The following CDKAL1 variants were observed in gnomAD, a reference collection of about 807,000 sequenced individuals.
CDKAL1 encodes CDKAL1 threonylcarbamoyladenosine tRNA methylthiotransferase, also known as threonylcarbamoyladenosine tRNA methylthiotransferase.
A neutral mutation model predicts 68.2 loss-of-function variants in CDKAL1; 32 were observed. The ratio of observed to expected loss-of-function variants is 0.47; its 90% CI spans 0.35 to 0.63. The LOEUF (loss-of-function observed/expected upper bound fraction) is 0.63, where lower values mean the gene tolerates loss of function less well. Among genes scored for constraint, CDKAL1 ranks in the 30% least tolerant of loss-of-function variants. The pLI, the probability that CDKAL1 is intolerant of heterozygous loss-of-function variation, is 0.00. For missense variants in CDKAL1, 606 were observed against 696.7 expected (o/e 0.87, Z 1.47); for synonymous variants, 234 against 244.3 (o/e 0.96, Z 0.39).
At chr6:20,658,963 C>T (rs1290546248) in intron 5 of CDKAL1, among the ~76,000 whole-genome samples, 1 of 152,024 alleles carries the variant, frequency 6.6e-6, no homozygotes, top group Non-Finnish European at 1.5e-5. Flanking sequence ...TACAGGCATA[C>T]ACCACCACAC....
intron 13 of CDKAL1, among the ~76,000 whole-genome samples, chr6:21,142,505 A>G (rs1775969206): frequency 6.6e-6 from 1 of 152,150 alleles, no homozygotes; most frequent in South Asian, 2.1e-4. Context: ...GATGAGCTCA[A>G]GAACTAAATG....
chr6:20,984,141 G>A (rs1259083730), intron 10 of CDKAL1, among the ~76,000 whole-genome samples: 1 of 152,196 alleles, frequency 6.6e-6, no homozygotes. Context: ...ACATACAGAT[G>A]CAAACTGCTA....
intron 8 of CDKAL1, among the ~76,000 whole-genome samples, chr6:20,798,712 A>G (rs1340847406): frequency 5.5e-5 from 8 of 145,406 alleles, no homozygotes; most frequent in Non-Finnish European, 1.2e-4. Context: ...GAATTGAACA[A>G]TAAGAAGACT....
intron 12 of CDKAL1, among the ~76,000 whole-genome samples, chr6:21,099,462 A>C (rs916803774): frequency 3.9e-5 from 6 of 152,174 alleles, no homozygotes; most frequent in African/African-American, 1.4e-4. Flanking sequence ...TAAATGTACA[A>C]ACAAATCACA....
At chr6:20,728,961 T>C (rs888749061) in intron 5 of CDKAL1, among the ~76,000 whole-genome samples, 1 of 152,160 alleles carries the variant, frequency 6.6e-6, no homozygotes, top group African/African-American at 2.4e-5. Context: ...GAAAGGTATA[T>C]GAATTAAAGT....
chr6:20,541,104 G>A (rs1763371660), intron 2 of CDKAL1, among the ~76,000 whole-genome samples: 1 of 152,202 alleles, frequency 6.6e-6, no homozygotes, highest in Non-Finnish European at 1.5e-5. Context: ...GGGTAAGGAC[G>A]CAGAATTTTC....
intron 5 of CDKAL1, among the ~76,000 whole-genome samples, chr6:20,684,318 T>C (rs537601468): frequency 6.6e-6 from 1 of 152,334 alleles, no homozygotes; most frequent in African/African-American, 2.4e-5. Flanking sequence ...GGCATGTGCC[T>C]GTATTCCCAG....
chr6:20,703,516 G>A (rs1771465521), intron 5 of CDKAL1, among the ~76,000 whole-genome samples: 1 of 151,992 alleles, frequency 6.6e-6, no homozygotes, highest in African/African-American at 2.4e-5. Flanking sequence ...AAGGGAATTT[G>A]TGATTCATTT....
intron 6 of CDKAL1, 28 bp downstream of exon 6, chr6:20,739,643 A>G (rs761976507): frequency 1.2e-5 from 15 of 1,302,832 alleles, no homozygotes; most frequent in Non-Finnish European, 1.5e-5. Flanking sequence ...GCAAAAAGAG[A>G]AAATCTTACA....
At chr6:20,790,355 G>A (rs1442841638) in intron 8 of CDKAL1, among the ~76,000 whole-genome samples, 1 of 152,028 alleles carries the variant, frequency 6.6e-6, no homozygotes, top group Non-Finnish European at 1.5e-5. Context: ...TGGTGGGGTG[G>A]GGGGAACCAA....
At chr6:20,736,567 G>A (rs1303001506) in intron 5 of CDKAL1, among the ~76,000 whole-genome samples, 3 of 152,022 alleles carry the variant, frequency 2.0e-5, no homozygotes, top group Admixed American at 6.6e-5. Context: ...TCAGGAGATC[G>A]AGACCATCCT....
chr6:20,611,735 G>T lies in CDKAL1; in HGVS notation c.287-37558G>T, dbSNP rs115186443. 3.2e-3 allele frequency among the ~76,000 whole-genome samples: 487 copies of T among 152,174 alleles called. 4 individuals carry two copies. The highest frequency in any genetic ancestry group is 0.011 in the African/African-American group (458 of 41,546). ...ATTGCCATGAATATTTATCATTTCT[G>T]TGTACTGGGAACATGTCAGGTCCTC... On this transcript the variant is annotated intron_variant, in intron 4 of 15. Transcript: ENST00000274695.
chr6:20,859,964 A>G (rs1035962387), intron 9 of CDKAL1, among the ~76,000 whole-genome samples: 1 of 152,198 alleles, frequency 6.6e-6, no homozygotes, highest in Non-Finnish European at 1.5e-5. Flanking sequence ...GTGTCCACTT[A>G]AATATCACCT....
intron 4 of CDKAL1, among the ~76,000 whole-genome samples, chr6:20,612,990 T>TACACACACAC (rs55999857): frequency 2.0e-3 from 256 of 130,044 alleles, no homozygotes; most frequent in East Asian, 0.013. Context: ...TTGCAATTTC[T>TACACACACAC]ACACACACAC....
intron 13 of CDKAL1, among the ~76,000 whole-genome samples, chr6:21,184,275 A>G (rs1414019056): frequency 2.7e-5 from 4 of 150,682 alleles, no homozygotes; most frequent in Non-Finnish European, 5.9e-5. Context: ...GCTTACTGCA[A>G]TCTCTACCTC....
rs150434350 is a variant in CDKAL1, at chr6:21,226,229, CTG to C, written c.1549-4617_1549-4616del. ...AGACTGTTGTTATCATCCCAACTGT[CTG>C]TATTTATCTTTAACTGATTGAAATC... On this transcript the variant is annotated intron_variant, in intron 15 of 15. Transcript: ENST00000274695. Among the ~76,000 whole-genome samples the C allele has an allele frequency of 8.2e-4, 124 of 151,156 alleles. 2 individuals carry two copies. In the East Asian group the frequency reaches 0.022, roughly 26 times the overall value.
intron 13 of CDKAL1, among the ~76,000 whole-genome samples, chr6:21,190,887 A>C (rs1210888717): frequency 6.6e-6 from 1 of 152,222 alleles, no homozygotes; most frequent in African/African-American, 2.4e-5. Context: ...AGCATCTCAG[A>C]ATAGAAATTG....
At position 20,885,735 on chromosome 6, in the gene CDKAL1, C is replaced by T. The variant is rs563516899; in HGVS notation, c.742+39557C>T. Among the ~76,000 whole-genome samples the T allele has an allele frequency of 4.6e-5, 7 of 152,072 alleles. No homozygotes were observed. In the South Asian group the frequency reaches 6.2e-4, roughly 14 times the overall value. On this transcript the variant is annotated intron_variant, in intron 9 of 15. Transcript: ENST00000274695. Reference sequence around the variant, plus strand: ...AAAAGACAATCTACAGACTGGGAGACGATATTTACAAATTATAAATTTGAT... The same window carrying T: ...AAAAGACAATCTACAGACTGGGAGATGATATTTACAAATTATAAATTTGAT...
At chr6:20,687,209 A>C (rs779588617) in intron 5 of CDKAL1, among the ~76,000 whole-genome samples, 14 of 152,146 alleles carry the variant, frequency 9.2e-5, no homozygotes, top group Non-Finnish European at 1.2e-4. Context: ...GTTAGGAAGT[A>C]TTTCCTCTTG....
Sources: gnomAD v4.1 joint callset for allele counts (sites outside exome capture counted in the v4.1 genomes callset) on GRCh38, gnomAD v4.1.1 for gene constraint, MANE v1.5 for transcripts, NCBI Gene and HGNC (gene_info 2026-07-23, HGNC 2026-07-21) for gene names.